Variants in ATP6V1C2 observed in about 807,000 individuals in gnomAD.
The protein encoded by ATP6V1C2 is ATPase H+ transporting V1 subunit C2.
A neutral mutation model predicts 56.8 loss-of-function variants in ATP6V1C2; 45 were observed. The ratio of observed to expected loss-of-function variants is 0.79; its 90% confidence interval spans 0.62 to 1.02. ATP6V1C2 has a LOEUF of 1.02. Among genes scored for constraint, ATP6V1C2 ranks in the 50% least tolerant of loss-of-function variants. The pLI, the probability that ATP6V1C2 is intolerant of heterozygous loss-of-function variation, is 0.00. For missense variants in ATP6V1C2, 463 were observed against 519.7 expected (o/e 0.89, Z 1.06); for synonymous variants, 220 against 201.3 (o/e 1.09, Z -0.79).
chr2:10,724,278 GCTAC>G (rs1661520046), intron 2 of ATP6V1C2, among the ~76,000 whole-genome samples: 1 of 152,130 alleles, frequency 6.6e-6, no homozygotes, highest in Non-Finnish European at 1.5e-5. Context: ...TGCCCCATCA[GCTAC>G]CAGGGTTGTA....
intron 5 of ATP6V1C2, among the ~76,000 whole-genome samples, chr2:10,765,574 G>A (rs963299878): frequency 3.3e-5 from 5 of 152,238 alleles, no homozygotes; most frequent in East Asian, 1.9e-4. Context: ...CAGAAAGCTC[G>A]GGAATCTGGG....
chr2:10,741,941 C>T (rs920454814), intron 3 of ATP6V1C2, among the ~76,000 whole-genome samples: 5 of 144,622 alleles, frequency 3.5e-5, no homozygotes, highest in South Asian at 2.3e-4. Context: ...CATGGAGTCT[C>T]GCCCTGTGGC....
At chr2:10,772,107 G>C (rs954582354) in intron 7 of ATP6V1C2, among the ~76,000 whole-genome samples, 170 bp downstream of exon 7, 20 of 152,188 alleles carry the variant, frequency 1.3e-4, no homozygotes, top group Admixed American at 8.5e-4. Flanking sequence ...AGGGACAGTG[G>C]TTGGGTGATG....
Position 10,784,191 on chromosome 2 carries a change from C to T in ATP6V1C2, c.*928C>T. ...AGTCATCTGAGTGTAGAGAATGTCCCTTCACTGCTGGAAAAATCCACTGGC... is the reference window on the plus strand; with the variant it reads ...AGTCATCTGAGTGTAGAGAATGTCCTTTCACTGCTGGAAAAATCCACTGGC... On this transcript the variant is annotated 3_prime_UTR_variant, in exon 14 of 14. Transcript: ENST00000272238. 1 of 1,265,248 alleles carries T rather than the reference C, an allele frequency of 7.9e-7. No individual in the cohort carries two copies. Among genetic ancestry groups the T allele is most frequent in the Non-Finnish European group, 1.1e-6 (1 of 880,112 alleles). The allele number at this position is 1,265,248 out of a possible 1,614,324, so 78.4% of individuals were successfully genotyped here. A position where few individuals can be genotyped will look rare whatever the true frequency, so the allele number is the denominator to read the frequency against.
chr2:10,729,983 C>G (rs1431050904), intron 3 of ATP6V1C2, among the ~76,000 whole-genome samples: 2 of 152,170 alleles, frequency 1.3e-5, no homozygotes, highest in African/African-American at 2.4e-5. Flanking sequence ...TTCTCCTACC[C>G]CTTAACATTT....
At chr2:10,779,059 A>C (rs971603183) in intron 12 of ATP6V1C2, among the ~76,000 whole-genome samples, 1 of 151,348 alleles carries the variant, frequency 6.6e-6, no homozygotes, top group Admixed American at 6.6e-5. Flanking sequence ...AAGGCAGTCC[A>C]GAGAGAAAAC....
Position 10,722,858 on chromosome 2 carries a change from G to T in ATP6V1C2, c.9G>T (p.Glu3Asp). 1.2e-6 allele frequency: 2 copies of T among 1,614,128 alleles called. No individual in the cohort carries two copies. Among genetic ancestry groups the T allele is most frequent in the Non-Finnish European group, 1.7e-6 (2 of 1,180,028 alleles). MS[E>D]FWLISAPGDK... ...AAGAGAAGACTGGAAGCATGTCGGA[G>T]TTTTGGTTAATTTCTGCCCCTGGCG... is the stretch of plus-strand genomic sequence containing the variant. Residue 3 changes from glutamate to aspartate, a missense_variant, in exon 2 of 14, where the codon GAG becomes GAT. Transcript: ENST00000272238.
rs1377754360 is a variant in ATP6V1C2 at position 10,766,795 on chromosome 2, C to A, written c.379-1924C>A. ...TTGTATAGTTGCATAATGCCGTATACTATACAGTTGTACAGTATACTTCTA... is the reference window on the plus strand; with the variant it reads ...TTGTATAGTTGCATAATGCCGTATAATATACAGTTGTACAGTATACTTCTA... On this transcript the variant is annotated intron_variant, in intron 5 of 13. Coordinates refer to ENST00000272238, the MANE Select transcript of ATP6V1C2 (RefSeq NM_001039362.2). Among the ~76,000 whole-genome samples the A allele has an allele frequency of 4.0e-5, 6 of 151,540 alleles. No individual in the cohort carries two copies. The South Asian group carries it at 8.3e-4, about 21-fold the overall frequency.
At chr2:10,760,976 G>T (rs1006074397) in intron 4 of ATP6V1C2, among the ~76,000 whole-genome samples, 2 of 152,226 alleles carry the variant, frequency 1.3e-5, no homozygotes, top group Non-Finnish European at 2.9e-5. Flanking sequence ...TGGAGCACTT[G>T]CTCTGTGCAG....
Position 10,777,595 on chromosome 2 carries a change from G to A in ATP6V1C2, c.836G>A (p.Cys279Tyr), listed in dbSNP as rs202104841. 14 of 1,612,436 alleles carry A rather than the reference G, an allele frequency of 8.7e-6. No homozygotes were observed. The East Asian group carries it at 3.1e-4, about 36-fold the overall frequency. ...SDKKQQYQTS[C>Y]VALKKGSSTF... is the part of the protein sequence containing the mutation. ...TTTCTGTGCCTTTAGCAAACTTCCTGTGTTGCTCTTAAAAAGGGATCATCC... is the reference window on the plus strand; with the variant it reads ...TTTCTGTGCCTTTAGCAAACTTCCTATGTTGCTCTTAAAAAGGGATCATCC... Residue 279 changes from cysteine (C) to tyrosine (Y), a missense_variant, in exon 11 of 14, where the codon TGT (cysteine) becomes TAT (tyrosine). By Grantham distance (194) the Cys-to-Tyr change is radical (BLOSUM62 -2). Coordinates refer to ENST00000272238, the MANE Select transcript of ATP6V1C2 (RefSeq NM_001039362.2).
chr2:10,722,355 C>T (rs940963768), intron 1 of ATP6V1C2, among the ~76,000 whole-genome samples: 5 of 152,072 alleles, frequency 3.3e-5, no homozygotes, highest in Admixed American at 2.0e-4. Flanking sequence ...AAAGCTAATA[C>T]CAATCACAAG....
upstream of ATP6V1C2, among the ~76,000 whole-genome samples, chr2:10,721,108 A>G (rs1661334038): frequency 6.6e-6 from 1 of 152,096 alleles, no homozygotes; most frequent in African/African-American, 2.4e-5. Context: ...CCACACGGAC[A>G]GGAAAAGCTT....
chr2:10,739,973 G>GTACCTGTAATC (rs1662457885), intron 3 of ATP6V1C2, among the ~76,000 whole-genome samples: 1 of 151,382 alleles, frequency 6.6e-6, no homozygotes, highest in Non-Finnish European at 1.5e-5. Context: ...TTGGTGGTGG[G>GTACCTGTAATC]CAAGCTTGGG....
chr2:10,766,963 T>C lies in ATP6V1C2; in HGVS notation c.379-1756T>C, dbSNP rs182460072. Among the ~76,000 whole-genome samples the C allele has an allele frequency of 3.2e-3, 493 of 152,228 alleles. 4 individuals carry two copies. The highest frequency in any genetic ancestry group is 0.011 in the African/African-American group (472 of 41,546). On this transcript the variant is annotated intron_variant, in intron 5 of 13. Coordinates refer to ENST00000272238, the MANE Select transcript of ATP6V1C2 (RefSeq NM_001039362.2). ...CTGTGGGAAACTGCATGGAGGGGACTTAGGATCTCTGTGTACTATTTTTGC... is the reference window on the plus strand; with the variant it reads ...CTGTGGGAAACTGCATGGAGGGGACCTAGGATCTCTGTGTACTATTTTTGC...
chr2:10,731,332 A>G (rs568200094), intron 3 of ATP6V1C2, among the ~76,000 whole-genome samples: 1 of 152,326 alleles, frequency 6.6e-6, no homozygotes, highest in South Asian at 2.1e-4. Flanking sequence ...AATGAAGGGA[A>G]GTAAAATCAT....
At chr2:10,761,736 C>T (rs1663919669) in intron 4 of ATP6V1C2, among the ~76,000 whole-genome samples, 1 of 152,214 alleles carries the variant, frequency 6.6e-6, no homozygotes, top group African/African-American at 2.4e-5. Context: ...AGCACGGATC[C>T]AACTCTCTGC....
intron 3 of ATP6V1C2, among the ~76,000 whole-genome samples, chr2:10,735,516 A>G (rs1256475094): frequency 1.3e-5 from 2 of 151,672 alleles, no homozygotes; most frequent in African/African-American, 4.8e-5. Flanking sequence ...TTATATTTCT[A>G]TGCACAGCTT....
intron 5 of ATP6V1C2, among the ~76,000 whole-genome samples, chr2:10,767,697 A>T (rs1664316069): frequency 6.6e-6 from 1 of 152,184 alleles, no homozygotes; most frequent in Non-Finnish European, 1.5e-5. Context: ...ACCTCAGGTG[A>T]TCTGCCCGCC....
At chr2:10,773,991 C>A (rs1664795778) in intron 8 of ATP6V1C2, among the ~76,000 whole-genome samples, 1 of 152,240 alleles carries the variant, frequency 6.6e-6, no homozygotes. Flanking sequence ...AGTGTGCTGG[C>A]AGGAGCATTC....
Sources: gnomAD v4.1 joint callset for allele counts (sites outside exome capture counted in the v4.1 genomes callset) on GRCh38, gnomAD v4.1.1 for gene constraint, MANE v1.5 for transcripts, NCBI Gene and HGNC (gene_info 2026-07-23, HGNC 2026-07-21) for gene names.